RABL2B: variants seen among roughly 807,000 people sequenced by gnomAD.
The protein encoded by RABL2B is rab-like protein 2B.
Under a neutral mutation model 26.7 loss-of-function variants are expected in RABL2B, and 17 were observed. That is an observed-to-expected ratio of 0.64 (90% CI 0.44 to 0.95). The LOEUF (loss-of-function observed/expected upper bound fraction) is 0.95. Among genes scored for constraint, RABL2B ranks in the 40% least tolerant of loss-of-function variants. The pLI is 0.00. For missense variants in RABL2B, 170 were observed against 277.2 expected (o/e 0.61, Z 2.75); for synonymous variants, 70 against 103.9 (o/e 0.67, Z 1.99).
In RABL2B at chr22:50,768,888, C is replaced by G; in HGVS notation, c.592-14G>C. ...CAAGCTGAAGTTCTGTGAACAAGGT[C>G]GCAGGTGAGGCCTGGCCCTGCATTT... On this transcript the variant is annotated splice_polypyrimidine_tract_variant and intron_variant, in intron 8 of 8. Coordinates refer to ENST00000691320, the MANE Select transcript of RABL2B (RefSeq NM_001130919.3). The G allele has an allele frequency of 6.2e-7, 1 of 1,609,432 alleles. No homozygotes were observed. Among genetic ancestry groups the G allele is most frequent in the Non-Finnish European group, 8.5e-7 (1 of 1,178,916 alleles).
chr22:50,774,097 G>A (rs1278093237), intron 5 of RABL2B, among the ~76,000 whole-genome samples: 16 of 152,074 alleles, frequency 1.1e-4, no homozygotes, highest in Admixed American at 6.5e-5. Context: ...GGGTTTCACC[G>A]TGTTAGCCAG....
At chr22:50,780,495 AC>A in intron 2 of RABL2B, 1 of 333,336 alleles carries the variant, frequency 3.0e-6, no homozygotes, top group Non-Finnish European at 6.1e-6. Context: ...GGATGTGTTA[AC>A]CTCTTAATGG....
Position 50,769,995 on chromosome 22 carries a change from C to A in RABL2B, c.319G>T (p.Val107Phe). ...CIMVFDVQRKVTYRNLSTWYT... is the reference protein window; with the variant it reads ...CIMVFDVQRKFTYRNLSTWYT... The stretch of plus-strand genomic sequence containing the variant: ...CAGGTGCTCAGGTTCCTATAGGTGA[C>A]TTTCCTCTGTACATCAAACACCTGC... The change falls in exon 6 of 9, where the codon GTC becomes TTC. Residue 107 changes from valine (V) to phenylalanine (F), a missense_variant. Coordinates refer to ENST00000691320, the MANE Select transcript of RABL2B (RefSeq NM_001130919.3). The A allele has an allele frequency of 6.2e-7, 1 of 1,613,900 alleles. No homozygotes were observed.
At chr22:50,776,949 G>C (rs2085082393) in intron 3 of RABL2B, among the ~76,000 whole-genome samples, 200 bp from the exon 4 acceptor site, 1 of 152,176 alleles carries the variant, frequency 6.6e-6, no homozygotes, top group Admixed American at 6.5e-5. Context: ...GGTGAGGGGT[G>C]GGAGGAGATG....
At chr22:50,772,740 C>A (rs1214813261) in intron 5 of RABL2B, 5 of 1,082,078 alleles carry the variant, frequency 4.6e-6, no homozygotes, top group Non-Finnish European at 5.7e-6. Flanking sequence ...ATGAAGACTC[C>A]TTATAAAGGA....
At chr22:50,772,760 C>G in intron 5 of RABL2B, 1 of 1,085,626 alleles carries the variant, frequency 9.2e-7, no homozygotes, top group South Asian at 2.7e-5. Flanking sequence ...ATGTCTGTAA[C>G]TAAACTTCTG....
At chr22:50,774,141 C>T (rs1187868499) in intron 5 of RABL2B, among the ~76,000 whole-genome samples, 4 of 152,188 alleles carry the variant, frequency 2.6e-5, no homozygotes, top group East Asian at 1.9e-4. Flanking sequence ...GTGATCCGCC[C>T]GCCTCGGCCT....
intron 2 of RABL2B, 110 bp from the exon 3 acceptor site, chr22:50,778,091 C>G: frequency 7.1e-7 from 1 of 1,402,550 alleles, no homozygotes. Context: ...CTTCCCTTCC[C>G]CCTTTCACTC....
At chr22:50,770,824 A>G (rs1284095198) in intron 5 of RABL2B, among the ~76,000 whole-genome samples, 26 of 151,400 alleles carry the variant, frequency 1.7e-4, no homozygotes, top group Non-Finnish European at 2.7e-4. Flanking sequence ...ATCACAGCTC[A>G]CTGTAACCTC....
At chr22:50,778,395 A>G (rs1802476523) in intron 2 of RABL2B, among the ~76,000 whole-genome samples, 1 of 151,980 alleles carries the variant, frequency 6.6e-6, no homozygotes, top group South Asian at 2.1e-4. Flanking sequence ...AGCCTGGCCA[A>G]CAGGGTGAAG....
chr22:50,776,776 A>G, intron 3 of RABL2B, 27 bp from the exon 4 acceptor site: 1 of 1,590,642 alleles, frequency 6.3e-7, no homozygotes, highest in East Asian at 2.3e-5. Flanking sequence ...GAGCAAAATC[A>G]ATAAAAGGGG....
chr22:50,769,174 G>A, intron 7 of RABL2B, 50 bp from the exon 8 acceptor site: 1 of 612,750 alleles, frequency 1.6e-6, no homozygotes, highest in Non-Finnish European at 2.8e-6. Context: ...ACTCTGCCCA[G>A]TCCACCCCAC....
chr22:50,773,460 G>T (rs754302513), intron 5 of RABL2B, among the ~76,000 whole-genome samples: 3 of 152,066 alleles, frequency 2.0e-5, no homozygotes, highest in African/African-American at 7.3e-5. Flanking sequence ...CAGCACGTGT[G>T]TCTTTCCACC....
rs782277222 is a variant in RABL2B at position 50,776,670 on chromosome 22, C to A, written c.217G>T (p.Asp73Tyr). The change falls in exon 4 of 9, where the codon GAC (aspartate) becomes TAC (tyrosine). Residue 73 changes from aspartate (D) to tyrosine (Y), a missense_variant and splice_region_variant. By Grantham distance (160) the Asp-to-Tyr change is radical. Around this residue, in one of 2 missense-constraint regions of RABL2B, gnomAD observed 165 missense variants for 232.0 expected, o/e 0.71. Transcript: ENST00000691320. ...CATGTCTTGGCCCTGTGCCACTTAC[C>A]CACAAGGATGGTCCTTCCATCTACC... ...ATVDGRTILV[D>Y]FWDTAGQERF... 1.2e-6 allele frequency: 2 copies of A among 1,607,640 alleles called. No individual in the cohort carries two copies. The highest frequency in any genetic ancestry group is 2.2e-5 in the South Asian group (2 of 89,640).
At chr22:50,775,198 T>A (rs1317660080) in intron 5 of RABL2B, among the ~76,000 whole-genome samples, 1 of 152,230 alleles carries the variant, frequency 6.6e-6, no homozygotes, top group African/African-American at 2.4e-5. Context: ...GACACAGGTA[T>A]ACAGAGCTCC....
chr22:50,776,448 C>G (rs1367454991), intron 4 of RABL2B, among the ~76,000 whole-genome samples: 1 of 152,244 alleles, frequency 6.6e-6, no homozygotes, highest in African/African-American at 2.4e-5. Context: ...TGCACAGGTG[C>G]TGGCCTGGAC....
chr22:50,776,882 T>C, intron 3 of RABL2B, 133 bp from the exon 4 acceptor site: 3 of 1,462,804 alleles, frequency 2.1e-6, no homozygotes, highest in Non-Finnish European at 2.8e-6. Flanking sequence ...TTAAATCAAA[T>C]GAATGTTGCA....
chr22:50,777,823 A>T, intron 3 of RABL2B, 129 bp downstream of exon 3: 1 of 1,465,780 alleles, frequency 6.8e-7, no homozygotes. Flanking sequence ...TGCGGAACAA[A>T]ACCTGTGCGT....
chr22:50,782,380 A>T, intron 1 of RABL2B, 33 bp from the exon 2 acceptor site: 1 of 1,415,474 alleles, frequency 7.1e-7, no homozygotes, highest in East Asian at 2.3e-5. Flanking sequence ...GGCTGTTGTC[A>T]GAGATAAGTC....
Sources: gnomAD v4.1 joint callset for allele counts (sites outside exome capture counted in the v4.1 genomes callset) on GRCh38, gnomAD v4.1.1 for gene constraint, gnomAD v4.1.1 regional missense constraint, MANE v1.5 for transcripts, NCBI Gene and HGNC (gene_info 2026-07-23, HGNC 2026-07-21) for gene names.